BCL11A: variants seen among roughly 807,000 people sequenced by gnomAD.
BCL11A encodes BCL11 transcription factor A, also known as B cell CLL/lymphoma 11A.
In BCL11A, 2 loss-of-function variants were observed where a neutral mutation model predicts 55.9. That is an observed-to-expected ratio of 0.04 (90% CI 0.01 to 0.11). The LOEUF (loss-of-function observed/expected upper bound fraction) is 0.11. BCL11A is among the 10% of genes least tolerant of loss of function. The probability of loss-of-function intolerance (pLI) is 1.00; values close to 1 mark genes in which losing one functional copy is unlikely to be tolerated. For synonymous variants in BCL11A, 465 were observed against 473.4 expected (o/e 0.98, Z 0.23); for missense variants, 817 against 1,137.1 (o/e 0.72, Z 4.05).
At chr2:60,510,350 A>G (rs45627332) in intron 2 of BCL11A, among the ~76,000 whole-genome samples, 12,191 of 152,158 alleles carry the variant, frequency 0.08, 660 homozygotes, top group Middle Eastern at 0.12. Context: ...AGCCAGGCGT[A>G]TTACACACAA....
At chr2:60,467,948 A>ATGGTGGTGG (rs1676929964) in intron 3 of BCL11A, among the ~76,000 whole-genome samples, 1 of 69,172 alleles carries the variant, frequency 1.4e-5, no homozygotes. Flanking sequence ...GGTGGTGGTG[A>ATGGTGGTGG]TGGTACTGGT....
intron 2 of BCL11A, chr2:60,528,563 C>A (rs949639382): frequency 2.0e-5 from 3 of 152,226 alleles, no homozygotes; most frequent in African/African-American, 7.3e-5. Context: ...ATGGGAGGGA[C>A]AACTGTCCAG....
intron 2 of BCL11A, among the ~76,000 whole-genome samples, chr2:60,538,735 CTCTCTGTGTGTGTGTGTGTG>C (rs1387141696): frequency 7.2e-5 from 5 of 69,260 alleles, no homozygotes; most frequent in Non-Finnish European, 1.0e-4. Context: ...CTCTCTCTCT[CTCTCTGTGTGTGTGTGTGTG>C]TGTGTGTGTG....
chr2:60,500,787 G>T (rs138549153), intron 2 of BCL11A, among the ~76,000 whole-genome samples: 1,697 of 152,324 alleles, frequency 0.011, 18 homozygotes, highest in Non-Finnish European at 0.019. Context: ...AGACAGATGA[G>T]CTGGATCCTT....
At chr2:60,508,037 G>A (rs903824463) in intron 2 of BCL11A, among the ~76,000 whole-genome samples, 4 of 152,130 alleles carry the variant, frequency 2.6e-5, no homozygotes, top group East Asian at 3.8e-4. Flanking sequence ...AACTGAGCAC[G>A]ACAGATGCAA....
intron 2 of BCL11A, chr2:60,508,779 T>C (rs901841634): frequency 2.0e-5 from 3 of 152,412 alleles, no homozygotes; most frequent in African/African-American, 4.8e-5. Flanking sequence ...GGCTGGACCT[T>C]TGCACTGGCA....
At chr2:60,532,331 T>G (rs969118591) in intron 2 of BCL11A, among the ~76,000 whole-genome samples, 3 of 151,724 alleles carry the variant, frequency 2.0e-5, no homozygotes, top group Admixed American at 6.6e-5. Context: ...TTTTTGGGTT[T>G]TTTTTTTTTT....
intron 3 of BCL11A, among the ~76,000 whole-genome samples, chr2:60,468,444 G>A (rs947984834): frequency 6.6e-6 from 1 of 152,100 alleles, no homozygotes; most frequent in Non-Finnish European, 1.5e-5. Context: ...AGAGGCACAG[G>A]CATCTTCAAT....
chr2:60,541,724 T>C (rs780236766), intron 2 of BCL11A: 1 of 518,206 alleles, frequency 1.9e-6, no homozygotes, highest in African/African-American at 2.0e-5. Context: ...TGTTCACCAG[T>C]ATATTGTTTT....
chr2:60,551,424 G>T (rs1380344520), intron 1 of BCL11A, among the ~76,000 whole-genome samples: 1 of 152,168 alleles, frequency 6.6e-6, no homozygotes, highest in African/African-American at 2.4e-5. Context: ...GCCCTTCCCC[G>T]GCAACCCCGC....
intron 2 of BCL11A, among the ~76,000 whole-genome samples, chr2:60,521,329 A>C (rs547560823): frequency 6.6e-6 from 1 of 152,314 alleles, no homozygotes; most frequent in African/African-American, 2.4e-5. Flanking sequence ...AGCGAGAGAG[A>C]GCGGACATTT....
chr2:60,492,727 C>T (rs980070846), intron 2 of BCL11A, among the ~76,000 whole-genome samples: 3 of 152,116 alleles, frequency 2.0e-5, no homozygotes, highest in East Asian at 1.9e-4. Context: ...CCCTGAAAGA[C>T]GGCTAGAGTC....
rs146232693 is a variant in BCL11A at position 60,468,588 on chromosome 2, G to C, written c.487+144C>G. 4 of 562,118 alleles carry C rather than the reference G, an allele frequency of 7.1e-6. No homozygotes were observed. In the East Asian group the frequency reaches 1.4e-4, roughly 20 times the overall value. The allele number at this position is 562,118 out of a possible 1,614,324, so 34.8% of individuals were successfully genotyped here. On this transcript the variant is annotated intron_variant, in intron 3 of 3. Transcript: ENST00000642384. ...TCTGGGGCTGAGTGGAGTGGGGAGC[G>C]GCTGCCAAGTGAGTAATGGAATAAT... is the stretch of plus-strand genomic sequence containing the variant.
rs1201878603 is a variant in BCL11A at position 60,551,839 on chromosome 2, G to GGGCGA, written c.55+1372_55+1376dup. Reference sequence around the variant, plus strand: ...GGCGCGGCGAGGTCGGGCAAGGCCCGGGCGAGGCCAGGCCGCCGCCGCCGC... The same window carrying GGGCGA: ...GGCGCGGCGAGGTCGGGCAAGGCCCGGGCGAGGCGAGGCCAGGCCGCCGCCGCCGC... On this transcript the variant is annotated intron_variant, in intron 1 of 3. Coordinates refer to ENST00000642384, the MANE Select transcript of BCL11A (RefSeq NM_022893.4). 3.3e-4 allele frequency among the ~76,000 whole-genome samples: 49 copies of GGGCGA among 150,464 alleles called. 1 individual carries two copies. Among genetic ancestry groups the GGGCGA allele is most frequent in the Admixed American group, 3.2e-3 (48 of 15,116 alleles).
At chr2:60,502,319 G>A (rs953541928) in intron 2 of BCL11A, among the ~76,000 whole-genome samples, 21 of 152,208 alleles carry the variant, frequency 1.4e-4, no homozygotes, top group Admixed American at 3.3e-4. Context: ...CAGTGTGAAC[G>A]TGTCAGCTCC....
Position 60,460,122 on chromosome 2 carries a change from G to T in BCL11A, c.*282C>A. The T allele has an allele frequency of 1.7e-6, 2 of 1,151,246 alleles. No individual in the cohort carries two copies. The highest frequency in any genetic ancestry group is 2.1e-6 in the Non-Finnish European group (2 of 939,752). The allele number at this position is 1,151,246 out of a possible 1,614,324, so 71.3% of individuals were successfully genotyped here. A position where few individuals can be genotyped will look rare whatever the true frequency, so the allele number is the denominator to read the frequency against. On this transcript the variant is annotated 3_prime_UTR_variant, in exon 4 of 4. Transcript: ENST00000642384. ...CTCAAAGTTTGCGTAAAATGCAATA[G>T]TATTGCCCCATACAGATCATGCATT...
At chr2:60,456,668 G>A (rs1279248619), downstream of BCL11A, among the ~76,000 whole-genome samples, 1 of 151,864 alleles carries the variant, frequency 6.6e-6, no homozygotes, top group East Asian at 1.9e-4. Context: ...AAAACCTGAT[G>A]CCTTTGTTTC....
intron 2 of BCL11A, among the ~76,000 whole-genome samples, chr2:60,477,600 T>TAAAAG (rs10631738): frequency 6.6e-6 from 1 of 150,548 alleles, no homozygotes; most frequent in East Asian, 2.0e-4. Flanking sequence ...TAGAGTAAAA[T>TAAAAG]AAATAAAGAA....
chr2:60,503,406 C>A (rs1415662955), intron 2 of BCL11A, among the ~76,000 whole-genome samples: 1 of 152,246 alleles, frequency 6.6e-6, no homozygotes, highest in African/African-American at 2.4e-5. Flanking sequence ...AGGAGCCAGA[C>A]ATGTCCCTGG....
Sources: gnomAD v4.1 joint callset for allele counts (sites outside exome capture counted in the v4.1 genomes callset) on GRCh38, gnomAD v4.1.1 for gene constraint, MANE v1.5 for transcripts, NCBI Gene and HGNC (gene_info 2026-07-23, HGNC 2026-07-21) for gene names.